PDE3B: variants seen among roughly 807,000 people sequenced by gnomAD.
PDE3B encodes phosphodiesterase 3B, also known as cGMP-inhibited 3',5'-cyclic phosphodiesterase 3B.
Under a neutral mutation model 116.8 loss-of-function variants are expected in PDE3B, and 66 were observed. The observed-to-expected ratio is 0.56, with a 90% CI of 0.46 to 0.69. The LOEUF is 0.69. PDE3B is among the 30% of genes least tolerant of loss of function. The probability of loss-of-function intolerance (pLI) is 0.00; values close to 1 mark genes in which losing one functional copy is unlikely to be tolerated. For missense variants in PDE3B, 1,384 were observed against 1,368.1 expected (o/e 1.01, Z -0.18); for synonymous variants, 595 against 533.6 (o/e 1.12, Z -1.59).
intron 10 of PDE3B, among the ~76,000 whole-genome samples, chr11:14,834,613 C>T (rs1343324971): frequency 6.6e-6 from 1 of 152,100 alleles, no homozygotes; most frequent in African/African-American, 2.4e-5. Flanking sequence ...TGTAAGTAAC[C>T]AGAATTTGTA....
At chr11:14,667,370 C>G (rs1216492804) in intron 1 of PDE3B, among the ~76,000 whole-genome samples, 1 of 151,144 alleles carries the variant, frequency 6.6e-6, no homozygotes, top group Non-Finnish European at 1.5e-5. Context: ...ACCAGCATGG[C>G]ACATGTATAC....
rs540617114 is a variant in PDE3B, at chr11:14,665,036, G to C, written c.978+19983G>C. ...ATCCTCAATAAAATACTGGCAATCC[G>C]AATCCAGCAGCACATCAAAAAGCTT... On this transcript the variant is annotated intron_variant, in intron 1 of 15. Coordinates refer to ENST00000282096, the MANE Select transcript of PDE3B (RefSeq NM_000922.4). Among the ~76,000 whole-genome samples the C allele has an allele frequency of 3.3e-5, 5 of 152,274 alleles. No individual in the cohort carries two copies. In the South Asian group the frequency reaches 8.3e-4, roughly 25 times the overall value.
At chr11:14,807,335 A>C (rs1207607819) in intron 5 of PDE3B, among the ~76,000 whole-genome samples, 1 of 152,202 alleles carries the variant, frequency 6.6e-6, no homozygotes, top group Non-Finnish European at 1.5e-5. Flanking sequence ...TCAAATATAT[A>C]ACAATAGCAT....
intron 1 of PDE3B, among the ~76,000 whole-genome samples, chr11:14,684,786 C>T (rs956263065): frequency 1.3e-5 from 2 of 152,122 alleles, no homozygotes; most frequent in Admixed American, 1.3e-4. Context: ...TTAGTGATAT[C>T]TTCCCTACTT....
chr11:14,852,578 T>G (rs1398343475), intron 12 of PDE3B, among the ~76,000 whole-genome samples: 1 of 152,220 alleles, frequency 6.6e-6, no homozygotes, highest in Non-Finnish European at 1.5e-5. Context: ...TAACTTCTCA[T>G]TGTTACGAAT....
At chr11:14,721,972 C>T (rs1470124108) in intron 1 of PDE3B, among the ~76,000 whole-genome samples, 2 of 148,702 alleles carry the variant, frequency 1.3e-5, no homozygotes, top group Admixed American at 6.7e-5. Flanking sequence ...CCATGGAATA[C>T]TGTGCAGCCG....
Position 14,686,674 on chromosome 11 carries a change from T to G in PDE3B, c.978+41621T>G, listed in dbSNP as rs1854882834. Among the ~76,000 whole-genome samples the G allele has an allele frequency of 2.6e-5, 4 of 152,182 alleles. No individual in the cohort carries two copies. In the South Asian group the frequency reaches 8.3e-4, roughly 31 times the overall value. ...CTATTTAACTTAAAAATAAGCCACT[T>G]TTATTATTCAGTTAACAAACTGAAT... On this transcript the variant is annotated intron_variant, in intron 1 of 15. Transcript: ENST00000282096.
intron 1 of PDE3B, chr11:14,674,206 G>T: frequency 5.6e-6 from 7 of 1,255,808 alleles, no homozygotes; most frequent in South Asian, 4.8e-5. Context: ...ATTTCCAGGG[G>T]TTTTCTGTTT....
At chr11:14,683,662 A>C (rs967829664) in intron 1 of PDE3B, among the ~76,000 whole-genome samples, 1 of 148,372 alleles carries the variant, frequency 6.7e-6, no homozygotes, top group Non-Finnish European at 1.5e-5. Flanking sequence ...TTCTGTTATC[A>C]CTCTTATTGA....
chr11:14,879,949 A>T, the PDE3B span, among the ~76,000 whole-genome samples: 1,029 of 152,228 alleles, frequency 6.8e-3, 3 homozygotes, highest in Non-Finnish European at 0.012. Context: ...CCTCTTTCAG[A>T]GATTTTTTTT....
intron 5 of PDE3B, among the ~76,000 whole-genome samples, chr11:14,804,335 C>A (rs577027705): frequency 6.7e-6 from 1 of 149,084 alleles, no homozygotes; most frequent in South Asian, 2.1e-4. Flanking sequence ...AGACCCAGGA[C>A]AAGGGAAAAT....
chr11:14,713,965 T>C (rs1026906053), intron 1 of PDE3B, among the ~76,000 whole-genome samples: 6 of 152,292 alleles, frequency 3.9e-5, no homozygotes, highest in African/African-American at 1.2e-4. Context: ...TACTGTTTTT[T>C]TGCATTTCAG....
chr11:14,843,968 A>C lies in PDE3B; in HGVS notation c.2462A>C (p.His821Pro). The C allele has an allele frequency of 6.2e-7, 1 of 1,614,156 alleles. No homozygotes were observed. The highest frequency in any genetic ancestry group is 1.3e-5 in the African/African-American group (1 of 75,026). The change falls in exon 12 of 16, where the codon CAT (histidine) becomes CCT (proline). Residue 821 changes from histidine to proline, a missense_variant. Physicochemically the swap from His to Pro is moderately conservative, Grantham distance 77. This residue lies in a region of PDE3B where 428 missense variants were observed against 561.4 expected (regional missense o/e 0.76). Transcript: ENST00000282096. ...LMALYVAAAM[H>P]DYDHPGRTNA... ...GCTCTATACGTGGCAGCTGCCATGC[A>C]TGATTATGATCACCCAGGGAGGACA...
intron 4 of PDE3B, among the ~76,000 whole-genome samples, chr11:14,796,171 C>G (rs1858545761): frequency 6.6e-6 from 1 of 152,122 alleles, no homozygotes; most frequent in South Asian, 2.1e-4. Context: ...TGATGGTTTC[C>G]AGCTTCATCC....
intron 1 of PDE3B, among the ~76,000 whole-genome samples, chr11:14,735,898 A>C (rs118010373): frequency 0.021 from 3,256 of 152,216 alleles, 53 homozygotes; most frequent in Non-Finnish European, 0.034. Flanking sequence ...AGTGAGGAAG[A>C]GAACACGGAA....
At chr11:14,879,290 TC>T in the PDE3B span, 1 of 1,613,316 alleles carries the variant, frequency 6.2e-7, no homozygotes, top group African/African-American at 1.3e-5. Context: ...AACTGCATCT[TC>T]AGAGGTTGCA....
chr11:14,714,667 T>C (rs1049532563), intron 1 of PDE3B, among the ~76,000 whole-genome samples: 1 of 152,202 alleles, frequency 6.6e-6, no homozygotes, highest in Non-Finnish European at 1.5e-5. Flanking sequence ...GGAATGGCAG[T>C]ACTGTTTAGT....
intron 7 of PDE3B, among the ~76,000 whole-genome samples, chr11:14,828,796 A>C (rs888187659): frequency 6.6e-6 from 1 of 152,340 alleles, no homozygotes; most frequent in Middle Eastern, 3.4e-3. Context: ...CTGACCCAGC[A>C]ATCCCATTAC....
chr11:14,783,435 A>C (rs978983356), intron 2 of PDE3B, among the ~76,000 whole-genome samples: 4 of 152,232 alleles, frequency 2.6e-5, no homozygotes, highest in Non-Finnish European at 5.9e-5. Flanking sequence ...AGCCATAAAA[A>C]TGGATGAGTT....
Sources: gnomAD v4.1 joint callset for allele counts (sites outside exome capture counted in the v4.1 genomes callset) on GRCh38, gnomAD v4.1.1 for gene constraint, gnomAD v4.1.1 regional missense constraint, MANE v1.5 for transcripts, NCBI Gene and HGNC (gene_info 2026-07-23, HGNC 2026-07-21) for gene names.